The following ESR1 variants were observed in gnomAD, a reference collection of about 807,000 sequenced individuals.
ESR1 encodes estrogen receptor.
ESR1 carries 12 observed loss-of-function variants against 52.7 expected under a neutral mutation model. The observed-to-expected ratio is 0.23, with a 90% CI of 0.15 to 0.37. The LOEUF (loss-of-function observed/expected upper bound fraction) is 0.37. Ranked by LOEUF, ESR1 falls within the 10% of genes least tolerant of loss-of-function variation. ESR1 has a pLI of 1.00. For synonymous variants in ESR1, 305 were observed against 316.8 expected, an observed-to-expected ratio of 0.96 and a Z score of 0.39; for missense variants, 584 against 779.7, an observed-to-expected ratio of 0.75 and a Z score of 2.99.
intron 2 of ESR1, among the ~76,000 whole-genome samples, chr6:151,777,715 T>G (rs1786143812): frequency 6.6e-6 from 1 of 152,074 alleles, no homozygotes; most frequent in South Asian, 2.1e-4. Context: ...ATCCTAGCAC[T>G]TTGGGGGACT....
At chr6:151,672,921 C>T (rs182939463) in intron 1 of ESR1, among the ~76,000 whole-genome samples, 1,631 of 150,932 alleles carry the variant, frequency 0.011, 23 homozygotes, top group Middle Eastern at 0.02. Flanking sequence ...CTCTGCCTCC[C>T]GGGTTCACGC....
At chr6:152,067,682 C>T (rs987793956) in intron 6 of ESR1, among the ~76,000 whole-genome samples, 2 of 152,108 alleles carry the variant, frequency 1.3e-5, no homozygotes, top group Non-Finnish European at 2.9e-5. Flanking sequence ...AAAAAGTTAG[C>T]TGGGCACGGT....
chr6:152,000,465 T>G (rs2041858057), intron 4 of ESR1, among the ~76,000 whole-genome samples: 1 of 152,046 alleles, frequency 6.6e-6, no homozygotes, highest in African/African-American at 2.4e-5. Flanking sequence ...ACTTTTCTCT[T>G]TATATAAATA....
chr6:151,771,989 G>A (rs137876627), intron 2 of ESR1, among the ~76,000 whole-genome samples: 55 of 152,250 alleles, frequency 3.6e-4, no homozygotes, highest in Non-Finnish European at 6.0e-4. Context: ...AGGTTGTTTT[G>A]AAAAGAAGGG....
At chr6:151,756,592 T>G (rs967819353) in intron 2 of ESR1, among the ~76,000 whole-genome samples, 1 of 152,222 alleles carries the variant, frequency 6.6e-6, no homozygotes, top group African/African-American at 2.4e-5. Context: ...CTTCTTTGTT[T>G]TGTCCAATGC....
At chr6:151,879,422 G>T (rs991829774) in intron 2 of ESR1, among the ~76,000 whole-genome samples, 3 of 152,156 alleles carry the variant, frequency 2.0e-5, no homozygotes, top group African/African-American at 7.2e-5. Context: ...GAGATTTCAT[G>T]TGCAGACGTT....
intron 2 of ESR1, among the ~76,000 whole-genome samples, chr6:151,879,492 G>T (rs1052639742): frequency 6.6e-6 from 1 of 152,086 alleles, no homozygotes; most frequent in African/African-American, 2.4e-5. Flanking sequence ...AGCATGTGGG[G>T]CAAGGGAGAC....
At chr6:151,765,251 G>A (rs187332315) in intron 2 of ESR1, among the ~76,000 whole-genome samples, 1 of 152,190 alleles carries the variant, frequency 6.6e-6, no homozygotes, top group Admixed American at 6.5e-5. Context: ...TCTGTAGATA[G>A]ATATCGTAAA....
At chr6:151,953,584 G>A (rs1450148501) in intron 4 of ESR1, among the ~76,000 whole-genome samples, 1 of 152,112 alleles carries the variant, frequency 6.6e-6, no homozygotes, top group Non-Finnish European at 1.5e-5. Context: ...AGCTGGGTGT[G>A]GTGGTGGGTA....
chr6:151,832,767 A>G (rs1782651090), intron 1 of ESR1, among the ~76,000 whole-genome samples: 1 of 152,194 alleles, frequency 6.6e-6, no homozygotes, highest in Admixed American at 6.5e-5. Context: ...GGTGTTATAT[A>G]AATACTTATA....
At chr6:151,660,851 C>A (rs1047419126) in intron 1 of ESR1, among the ~76,000 whole-genome samples, 1 of 152,140 alleles carries the variant, frequency 6.6e-6, no homozygotes, top group African/African-American at 2.4e-5. Flanking sequence ...TAGGACAGTG[C>A]TTTTAAACCT....
At chr6:151,816,634 G>A (rs1278588918) in intron 1 of ESR1, among the ~76,000 whole-genome samples, 1 of 152,130 alleles carries the variant, frequency 6.6e-6, no homozygotes, top group Non-Finnish European at 1.5e-5. Context: ...ATACCCTATT[G>A]TGATTAGAAG....
At position 151,891,808 on chromosome 6, in the gene ESR1, C is replaced by A. The variant is rs76186596; in HGVS notation, c.760+11037C>A. Among the ~76,000 whole-genome samples, 52 of 152,214 alleles carry A rather than the reference C, an allele frequency of 3.4e-4. No homozygotes were observed. In the East Asian group the frequency reaches 7.5e-3, roughly 22 times the overall value. On this transcript the variant is annotated intron_variant, in intron 3 of 7. Coordinates refer to ENST00000206249, the MANE Select transcript of ESR1 (RefSeq NM_000125.4). Reference sequence around the variant, plus strand: ...ATGTTACGGTGGGCACAGGATATTACTCCTCTTCAACAAAAACATCAATCA... The same window carrying A: ...ATGTTACGGTGGGCACAGGATATTAATCCTCTTCAACAAAAACATCAATCA...
chr6:152,033,524 C>T (rs540306730), intron 5 of ESR1, among the ~76,000 whole-genome samples: 26 of 152,288 alleles, frequency 1.7e-4, no homozygotes, highest in Non-Finnish European at 1.9e-4. Context: ...ATTTATGCAG[C>T]CAACAGACAC....
intron 3 of ESR1, among the ~76,000 whole-genome samples, chr6:151,910,392 C>A (rs1798091503): frequency 6.6e-6 from 1 of 152,122 alleles, no homozygotes; most frequent in Non-Finnish European, 1.5e-5. Context: ...ATGAGCAGGA[C>A]AAAGCCCAAA....
At chr6:151,902,224 C>T (rs1345738247) in intron 3 of ESR1, among the ~76,000 whole-genome samples, 1 of 152,154 alleles carries the variant, frequency 6.6e-6, no homozygotes, top group Non-Finnish European at 1.5e-5. Flanking sequence ...TTCCTCCATT[C>T]CTCAAGGGAC....
chr6:151,833,142 T>C (rs1583543645), intron 1 of ESR1, among the ~76,000 whole-genome samples: 1 of 152,016 alleles, frequency 6.6e-6, no homozygotes, highest in Admixed American at 6.6e-5. Context: ...AGGCTAGAGG[T>C]GTACTAACTT....
At chr6:151,767,500 GA>G (rs953285458) in intron 2 of ESR1, among the ~76,000 whole-genome samples, 17 of 150,886 alleles carry the variant, frequency 1.1e-4, no homozygotes, top group Admixed American at 1.1e-3. Context: ...TGTGATAAAA[GA>G]AAAAAAAGAT....
chr6:151,669,732 C>T (rs528103729), intron 1 of ESR1, among the ~76,000 whole-genome samples: 8 of 151,990 alleles, frequency 5.3e-5, no homozygotes, highest in Non-Finnish European at 7.4e-5. Flanking sequence ...GAGCCTGGCC[C>T]GTAATAAACA....
Sources: gnomAD v4.1 joint callset for allele counts (sites outside exome capture counted in the v4.1 genomes callset) on GRCh38, gnomAD v4.1.1 for gene constraint, MANE v1.5 for transcripts, NCBI Gene and HGNC (gene_info 2026-07-23, HGNC 2026-07-21) for gene names.